Variants in GPC5 observed in about 807,000 individuals in gnomAD.
The protein encoded by GPC5 is glypican-5.
GPC5 carries 47 observed loss-of-function variants against 53.9 expected under a neutral mutation model. That is an observed-to-expected ratio of 0.87 (90% CI 0.69 to 1.11). The LOEUF (loss-of-function observed/expected upper bound fraction) is 1.11, where lower values mean the gene tolerates loss of function less well. Ranked by LOEUF, GPC5 falls within the 50% of genes most tolerant of loss-of-function variation. The pLI, the probability that GPC5 is intolerant of heterozygous loss-of-function variation, is 0.00. For synonymous variants in GPC5, 286 were observed against 263.3 expected, an observed-to-expected ratio of 1.09 and a Z score of -0.84; for missense variants, 748 against 713.1, an observed-to-expected ratio of 1.05 and a Z score of -0.56.
At chr13:91,649,905 A>AAAAT (rs1370160807) in intron 2 of GPC5, among the ~76,000 whole-genome samples, 1 of 152,220 alleles carries the variant, frequency 6.6e-6, no homozygotes, top group East Asian at 1.9e-4. Context: ...TCAAATTTAT[A>AAAAT]AAATACATAG....
intron 2 of GPC5, among the ~76,000 whole-genome samples, chr13:91,454,737 G>A (rs1881418053): frequency 6.6e-6 from 1 of 152,000 alleles, no homozygotes; most frequent in African/African-American, 2.4e-5. Flanking sequence ...ACAGTAGCTA[G>A]TATCTGTTAG....
At chr13:92,652,674 A>G (rs1885995363) in intron 7 of GPC5, among the ~76,000 whole-genome samples, 1 of 152,138 alleles carries the variant, frequency 6.6e-6, no homozygotes, top group Admixed American at 6.6e-5. Context: ...CCTTCTTGCT[A>G]ATTTCTAGTA....
In GPC5 at chr13:92,163,227, C is replaced by A. The variant is rs557903523; in HGVS notation, c.1561+18238C>A. Among the ~76,000 whole-genome samples the A allele has an allele frequency of 6.6e-5, 10 of 151,988 alleles. No individual in the cohort carries two copies. The South Asian group carries it at 2.1e-3, about 32-fold the overall frequency. ...CTGTAATCCCAGCACTTGAGGAGTC[C>A]GAGGTGGGCGGATCACCTGAGGTCA... On this transcript the variant is annotated intron_variant, in intron 7 of 7. Transcript: ENST00000377067.
chr13:91,872,927 C>A (rs1485125624), intron 5 of GPC5, among the ~76,000 whole-genome samples: 2 of 151,982 alleles, frequency 1.3e-5, no homozygotes, highest in Non-Finnish European at 2.9e-5. Flanking sequence ...AAAAAACCAG[C>A]AAATAATTAA....
At chr13:91,527,268 C>T (rs1187842719) in intron 2 of GPC5, among the ~76,000 whole-genome samples, 1 of 152,220 alleles carries the variant, frequency 6.6e-6, no homozygotes, top group African/African-American at 2.4e-5. Context: ...AGGATACAGG[C>T]ATTGGGTAAA....
intron 6 of GPC5, among the ~76,000 whole-genome samples, chr13:91,945,032 T>C (rs1328168213): frequency 6.6e-6 from 1 of 152,236 alleles, no homozygotes; most frequent in Non-Finnish European, 1.5e-5. Flanking sequence ...CAGAGATATA[T>C]CTTGGAGTTG....
At chr13:92,235,641 C>T (rs999671392) in intron 7 of GPC5, among the ~76,000 whole-genome samples, 27 of 151,958 alleles carry the variant, frequency 1.8e-4, no homozygotes, top group Admixed American at 1.2e-3. Flanking sequence ...TGGAGAGAAA[C>T]GTCTTAAATG....
intron 7 of GPC5, among the ~76,000 whole-genome samples, chr13:92,296,255 G>T (rs923009034): frequency 1.3e-5 from 2 of 152,138 alleles, no homozygotes; most frequent in Non-Finnish European, 2.9e-5. Context: ...CCCGCCAGGA[G>T]GTGGCATTTT....
chr13:91,779,442 C>T (rs1199211769), intron 5 of GPC5, among the ~76,000 whole-genome samples: 2 of 152,088 alleles, frequency 1.3e-5, no homozygotes, highest in East Asian at 3.9e-4. Flanking sequence ...CTCACTGCAA[C>T]CTCCGCCACC....
At position 92,708,857 on chromosome 13, in the gene GPC5, C is replaced by CTTTTTTTTTTTTTTTT. The variant is rs752130758; in HGVS notation, c.1562-157397_1562-157382dup. Among the ~76,000 whole-genome samples the CTTTTTTTTTTTTTTTT allele has an allele frequency of 9.5e-4, 46 of 48,184 alleles. 16 individuals carry two copies. Among genetic ancestry groups the CTTTTTTTTTTTTTTTT allele is most frequent in the Non-Finnish European group, 1.8e-3 (43 of 24,284 alleles). The allele number at this position is 48,184 out of a possible 152,430, so 31.6% of individuals were successfully genotyped here. On this transcript the variant is annotated intron_variant, in intron 7 of 7. Coordinates refer to ENST00000377067, the MANE Select transcript of GPC5 (RefSeq NM_004466.6). The stretch of plus-strand genomic sequence containing the variant: ...CTAGCAGCATCTAGCTGGAAACCGC[C>CTTTTTTTTTTTTTTTT]TTTTTTTTTTTTTTTTTTTTTTTTT...
intron 6 of GPC5, among the ~76,000 whole-genome samples, chr13:91,975,272 G>T (rs1594699653): frequency 6.6e-6 from 1 of 152,106 alleles, no homozygotes; most frequent in East Asian, 1.9e-4. Flanking sequence ...TGACAAATGG[G>T]ATCTAATTAA....
At chr13:92,214,441 C>G (rs770186018) in intron 7 of GPC5, among the ~76,000 whole-genome samples, 26 of 152,272 alleles carry the variant, frequency 1.7e-4, no homozygotes, top group Non-Finnish European at 3.4e-4. Flanking sequence ...GAACACTAAC[C>G]TCTGAGCCTC....
At chr13:92,053,844 A>T (rs1201141894) in intron 6 of GPC5, among the ~76,000 whole-genome samples, 2 of 151,912 alleles carry the variant, frequency 1.3e-5, no homozygotes. Context: ...AGCCTGGCCA[A>T]CATGGTGAAA....
At chr13:92,067,396 G>A (rs573837365) in intron 6 of GPC5, among the ~76,000 whole-genome samples, 6 of 152,084 alleles carry the variant, frequency 3.9e-5, no homozygotes, top group East Asian at 1.9e-4. Context: ...TCTGGTATGC[G>A]TGCAACATCC....
chr13:92,519,207 TAGAC>T (rs1880924496), intron 7 of GPC5, among the ~76,000 whole-genome samples: 1 of 152,072 alleles, frequency 6.6e-6, no homozygotes, highest in Non-Finnish European at 1.5e-5. Context: ...CTGTCAACAT[TAGAC>T]AGATCAATGA....
intron 7 of GPC5, among the ~76,000 whole-genome samples, chr13:92,668,268 C>T (rs886098056): frequency 6.6e-6 from 1 of 152,106 alleles, no homozygotes; most frequent in Non-Finnish European, 1.5e-5. Flanking sequence ...TCAAATGCAT[C>T]ATCCTAAGGC....
At chr13:92,126,336 A>G (rs1380873141) in intron 6 of GPC5, among the ~76,000 whole-genome samples, 1 of 152,232 alleles carries the variant, frequency 6.6e-6, no homozygotes, top group African/African-American at 2.4e-5. Flanking sequence ...GAAAATTTCT[A>G]TCAATTCTCA....
intron 7 of GPC5, among the ~76,000 whole-genome samples, chr13:92,386,725 A>T (rs1410525255): frequency 1.3e-5 from 2 of 152,012 alleles, no homozygotes; most frequent in Non-Finnish European, 2.9e-5. Flanking sequence ...TCATAACAGG[A>T]TATTGATTTT....
chr13:92,819,438 C>A (rs1877599705), intron 7 of GPC5, among the ~76,000 whole-genome samples: 1 of 152,130 alleles, frequency 6.6e-6, no homozygotes, highest in Non-Finnish European at 1.5e-5. Context: ...CTTTAATTCC[C>A]TCATTAATAA....
Sources: gnomAD v4.1 joint callset for allele counts (sites outside exome capture counted in the v4.1 genomes callset) on GRCh38, gnomAD v4.1.1 for gene constraint, MANE v1.5 for transcripts, NCBI Gene and HGNC (gene_info 2026-07-23, HGNC 2026-07-21) for gene names.